Variants in GPR89B observed in about 807,000 individuals in gnomAD.
GPR89B encodes golgi pH regulator B.
A neutral mutation model predicts 52.4 loss-of-function variants in GPR89B; 25 were observed. That is an observed-to-expected ratio of 0.48 (90% CI 0.35 to 0.67). GPR89B has a LOEUF of 0.67. Among genes scored for constraint, GPR89B ranks in the 30% least tolerant of loss-of-function variants. The probability of loss-of-function intolerance (pLI) is 0.01; values close to 1 mark genes in which losing one functional copy is unlikely to be tolerated. For missense variants in GPR89B, 146 were observed against 450.2 expected, an observed-to-expected ratio of 0.32 and a Z score of 6.11; for synonymous variants, 52 against 151.2, an observed-to-expected ratio of 0.34 and a Z score of 4.81.
intron 5 of GPR89B, among the ~76,000 whole-genome samples, chr1:147,951,260 T>C (rs1483066427): frequency 2.0e-5 from 3 of 151,868 alleles, no homozygotes; most frequent in Admixed American, 6.6e-5. Context: ...AGGATTGTTA[T>C]GAGGGTTAAA....
the GPR89B span, among the ~76,000 whole-genome samples, chr1:148,017,243 C>T: frequency 2.0e-5 from 3 of 151,226 alleles, no homozygotes; most frequent in Non-Finnish European, 2.9e-5. Flanking sequence ...GGGGTTTCAC[C>T]GTATTAGCCA....
the GPR89B span, among the ~76,000 whole-genome samples, chr1:148,000,585 G>A: frequency 6.7e-6 from 1 of 149,574 alleles, no homozygotes; most frequent in South Asian, 2.1e-4. Flanking sequence ...TCTATGAGGA[G>A]GGCCTAAGAT....
chr1:147,999,920 G>A, the GPR89B span, among the ~76,000 whole-genome samples: 3 of 152,124 alleles, frequency 2.0e-5, no homozygotes, highest in Non-Finnish European at 2.9e-5. Context: ...AGAGAGAGGT[G>A]GTAACTATAT....
intron 12 of GPR89B, 47 bp from the exon 13 acceptor site, chr1:147,992,455 A>G: frequency 6.3e-7 from 1 of 1,599,034 alleles, no homozygotes; most frequent in Non-Finnish European, 8.6e-7. Context: ...TTCGTGACAC[A>G]GGAATCTAAC....
chr1:147,971,256 T>TTGC (rs1657440651), intron 10 of GPR89B, among the ~76,000 whole-genome samples: 31 of 151,190 alleles, frequency 2.1e-4, no homozygotes, highest in Non-Finnish European at 2.7e-4. Flanking sequence ...CTCAAGCAAT[T>TTGC]CTCCTGCCTC....
chr1:147,949,985 AC>A (rs1655472067), intron 5 of GPR89B, among the ~76,000 whole-genome samples: 2 of 110,568 alleles, frequency 1.8e-5, no homozygotes, highest in Non-Finnish European at 1.8e-5. Context: ...TGACCCCCCC[AC>A]CTCCCTCCCG....
At chr1:147,950,825 C>T (rs201274328) in intron 5 of GPR89B, among the ~76,000 whole-genome samples, 2,089 of 151,742 alleles carry the variant, frequency 0.014, 32 homozygotes, top group African/African-American at 0.042. Flanking sequence ...CGCAGGCACT[C>T]GGCAGGCTGA....
rs1553249346 is a variant in GPR89B, at chr1:147,943,976, GT to G, written c.314-17del. On this transcript the variant is annotated intron_variant, in intron 4 of 13. Transcript: ENST00000314163. ...TAACCTATATCTGTTTTTCCTAACA[GT>G]TTTGTCTCCTCTGTCTCAGTGCATA... 5.8e-6 allele frequency: 8 copies of G among 1,369,760 alleles called. No homozygotes were observed. The highest frequency in any genetic ancestry group is 4.4e-5 in the Admixed American group (2 of 45,480). 84.9% of individuals were successfully genotyped at this position (1,369,760 alleles called of 1,614,324 possible).
In GPR89B at chr1:147,968,901, G is replaced by T; in HGVS notation, c.754G>T (p.Asp252Tyr). 1.2e-6 allele frequency: 2 copies of T among 1,611,532 alleles called. No individual in the cohort carries two copies. The highest frequency in any genetic ancestry group is 3.3e-5 in the Admixed American group (2 of 59,930). ...ENLTLIQQEV[D>Y]ALEELSRQLF... Reference sequence around the variant, plus strand: ...TCTTACTCTTATTCAACAGGAAGTGGATGCTTTGGAAGAATTAAGCAGGCA... The same window carrying T: ...TCTTACTCTTATTCAACAGGAAGTGTATGCTTTGGAAGAATTAAGCAGGCA... Residue 252 changes from aspartate to tyrosine, a missense_variant, in exon 9 of 14, where the codon GAT becomes TAT. Transcript: ENST00000314163.
At chr1:147,972,714 A>G (rs1657559490) in intron 10 of GPR89B, among the ~76,000 whole-genome samples, 1 of 150,674 alleles carries the variant, frequency 6.6e-6, no homozygotes, top group Non-Finnish European at 1.5e-5. Flanking sequence ...TTTGTTACAT[A>G]TGTAAGTATG....
rs1219747574 is a variant in GPR89B at position 147,987,200 on chromosome 1, C to T, written c.1005+906C>T. Among the ~76,000 whole-genome samples, 9 of 152,312 alleles carry T rather than the reference C, an allele frequency of 5.9e-5. No individual in the cohort carries two copies. In the South Asian group the frequency reaches 1.0e-3, roughly 18 times the overall value. ...AGTGTGAAGGAACATGATATCTTTT[C>T]TTCAAGTGGTATATAAATTATATTA... On this transcript the variant is annotated intron_variant, in intron 11 of 13. Coordinates refer to ENST00000314163, the MANE Select transcript of GPR89B (RefSeq NM_016334.5).
At chr1:148,008,934 A>G in the GPR89B span, among the ~76,000 whole-genome samples, 1 of 152,150 alleles carries the variant, frequency 6.6e-6, no homozygotes, top group Non-Finnish European at 1.5e-5. Flanking sequence ...AAAAAAAAAG[A>G]TACCAATCTT....
chr1:147,938,168 C>T (rs1302276871), intron 2 of GPR89B, among the ~76,000 whole-genome samples: 2 of 152,052 alleles, frequency 1.3e-5, no homozygotes, highest in Non-Finnish European at 2.9e-5. Context: ...ACCCTAGACT[C>T]GACATTTCCT....
At chr1:147,971,197 T>G (rs1338812765) in intron 10 of GPR89B, among the ~76,000 whole-genome samples, 1 of 151,488 alleles carries the variant, frequency 6.6e-6, no homozygotes, top group Non-Finnish European at 1.5e-5. Context: ...TCACCCAAGC[T>G]GTAGTGCAGT....
At chr1:147,981,624 A>G (rs1441605066) in intron 10 of GPR89B, among the ~76,000 whole-genome samples, 2 of 151,336 alleles carry the variant, frequency 1.3e-5, no homozygotes, top group African/African-American at 4.9e-5. Context: ...GCCATTATCA[A>G]TAATGCTGAT....
the GPR89B span, chr1:148,014,430 G>A: frequency 2.6e-5 from 4 of 151,186 alleles, no homozygotes; most frequent in Admixed American, 1.3e-4. Flanking sequence ...GTGAGTGCGC[G>A]AACCCAGCCG....
the GPR89B span, among the ~76,000 whole-genome samples, chr1:148,017,563 T>C: frequency 1.8e-3 from 274 of 149,956 alleles, 7 homozygotes; most frequent in East Asian, 0.05. Context: ...TGAAACCCCG[T>C]CTCTACTAAA....
intron 10 of GPR89B, among the ~76,000 whole-genome samples, chr1:147,973,844 A>AT (rs1193731883): frequency 6.6e-6 from 1 of 150,904 alleles, no homozygotes. Context: ...TAATTTTTGT[A>AT]TAAGGTGTAA....
the GPR89B span, among the ~76,000 whole-genome samples, chr1:148,012,758 T>C: frequency 1.3e-5 from 2 of 151,954 alleles, no homozygotes; most frequent in Non-Finnish European, 2.9e-5. Flanking sequence ...TCCGATGTAG[T>C]AAAGAGCTAG....
Sources: allele counts gnomAD v4.1 joint callset (sites outside exome capture counted in the v4.1 genomes callset), GRCh38; gene constraint gnomAD v4.1.1; transcripts MANE v1.5; gene names NCBI Gene and HGNC (gene_info 2026-07-23, HGNC 2026-07-21).